The following SYCP2L variants were observed in gnomAD, a reference collection of about 807,000 sequenced individuals.
The protein encoded by SYCP2L is synaptonemal complex protein 2-like.
A neutral mutation model predicts 125.8 loss-of-function variants in SYCP2L; 98 were observed. That is an observed-to-expected ratio of 0.78 (90% confidence interval 0.66 to 0.92). SYCP2L has a LOEUF of 0.92. Ranked by LOEUF, SYCP2L falls within the 40% of genes least tolerant of loss-of-function variation. The pLI, the probability that SYCP2L is intolerant of heterozygous loss-of-function variation, is 0.00. For synonymous variants in SYCP2L, 317 were observed against 325.4 expected (o/e 0.97, Z 0.28); for missense variants, 842 against 936.4 (o/e 0.90, Z 1.32).
chr6:10,887,468 G>A (rs1435909188), intron 1 of SYCP2L, among the ~76,000 whole-genome samples: 1 of 152,198 alleles, frequency 6.6e-6, no homozygotes, highest in Admixed American at 6.5e-5. Context: ...CCACCTTGCT[G>A]CGTAGAAAGT....
At chr6:10,905,361 C>T (rs913119855) in intron 8 of SYCP2L, among the ~76,000 whole-genome samples, 4 of 151,520 alleles carry the variant, frequency 2.6e-5, no homozygotes, top group African/African-American at 7.3e-5. Context: ...GGCACGCTCT[C>T]GGCTCACTGC....
At chr6:10,889,682 G>C (rs1329353381) in intron 1 of SYCP2L, among the ~76,000 whole-genome samples, 1 of 139,616 alleles carries the variant, frequency 7.2e-6, no homozygotes, top group Non-Finnish European at 1.5e-5. Flanking sequence ...GTGCAATAGT[G>C]CAACCTTAGC....
intron 14 of SYCP2L, among the ~76,000 whole-genome samples, chr6:10,921,276 A>G (rs927880069): frequency 6.6e-6 from 1 of 152,132 alleles, no homozygotes; most frequent in Admixed American, 6.6e-5. Context: ...TATCCAGTCT[A>G]TCATTGATGG....
At chr6:10,891,654 T>TATATGA in intron 2 of SYCP2L, 73 bp downstream of exon 2, 8 of 871,256 alleles carry the variant, frequency 9.2e-6, no homozygotes, top group East Asian at 5.2e-5. Context: ...TGTGTGTGTG[T>TATATGA]GTGTGTGTGT....
chr6:10,946,395 T>G (rs534057087), intron 23 of SYCP2L, among the ~76,000 whole-genome samples: 25 of 151,978 alleles, frequency 1.6e-4, no homozygotes, highest in African/African-American at 6.0e-4. Context: ...TTTTACATAA[T>G]GTGTAAATTT....
chr6:10,908,984 C>T (rs1029771543), intron 10 of SYCP2L, among the ~76,000 whole-genome samples: 20 of 152,116 alleles, frequency 1.3e-4, no homozygotes, highest in South Asian at 4.1e-4. Flanking sequence ...CTGTTGTAGG[C>T]GCTCACGTGT....
At chr6:10,970,464 C>T (rs1781751881) in intron 29 of SYCP2L, among the ~76,000 whole-genome samples, 1 of 152,092 alleles carries the variant, frequency 6.6e-6, no homozygotes, top group South Asian at 2.1e-4. Flanking sequence ...GGACTATTTT[C>T]GAAGGCATGT....
In SYCP2L at chr6:10,912,662, A is replaced by T; in HGVS notation, c.919-11A>T. ...TATGTGTATAAGTCATGCTGAAATG[A>T]TCTCTTACAGATGAGAAAACCAGCG... is the stretch of plus-strand genomic sequence containing the variant. On this transcript the variant is annotated splice_polypyrimidine_tract_variant and intron_variant, in intron 12 of 29. Transcript: ENST00000283141. This position sits in a 1 kb window ranked among gnomAD's most constrained non-coding sequence, Gnocchi z 4.1. 1 of 1,600,194 alleles carries T rather than the reference A, an allele frequency of 6.2e-7. No homozygotes were observed. The highest frequency in any genetic ancestry group is 8.6e-7 in the Non-Finnish European group (1 of 1,169,282).
In SYCP2L at chr6:10,909,116, ATTTT is replaced by A. The variant is rs67767345; in HGVS notation, c.820-1010_820-1007del. On this transcript the variant is annotated intron_variant, in intron 10 of 29. Coordinates refer to ENST00000283141, the MANE Select transcript of SYCP2L (RefSeq NM_001040274.3). ...CCAGAGCTATCAACTTCTCAATTGAATTTTTTTTTTTTTTTTTTTTTTTTTGAGA... is the reference window on the plus strand; with the variant it reads ...CCAGAGCTATCAACTTCTCAATTGAATTTTTTTTTTTTTTTTTTTTTGAGA... 0.016 allele frequency among the ~76,000 whole-genome samples: 1,522 copies of A among 94,864 alleles called. 64 individuals carry two copies. The East Asian group carries it at 0.21, about 13-fold the overall frequency. The allele number at this position is 94,864 out of a possible 152,430, so 62.2% of individuals were successfully genotyped here.
chr6:10,906,889 A>T (rs139860566), intron 9 of SYCP2L, among the ~76,000 whole-genome samples: 1 of 151,232 alleles, frequency 6.6e-6, no homozygotes, highest in Non-Finnish European at 1.5e-5. Context: ...ATGAGCCACC[A>T]CGCCTGGCCA....
chr6:10,927,418 G>A, intron 17 of SYCP2L, 51 bp downstream of exon 17: 2 of 1,478,102 alleles, frequency 1.4e-6, no homozygotes. Context: ...AGAAATAAAG[G>A]GACGGACTAC....
At chr6:10,889,237 A>G (rs1433945049) in intron 1 of SYCP2L, among the ~76,000 whole-genome samples, 1 of 152,096 alleles carries the variant, frequency 6.6e-6, no homozygotes, top group Non-Finnish European at 1.5e-5. Context: ...CACTAACACA[A>G]TGGTTCTTTT....
chr6:10,953,764 T>A (rs1476683437), intron 23 of SYCP2L, among the ~76,000 whole-genome samples: 2 of 152,144 alleles, frequency 1.3e-5, no homozygotes, highest in East Asian at 3.8e-4. Context: ...GGGAGACAGA[T>A]GATGGACAAG....
chr6:10,934,443 C>T (rs1289996331), intron 20 of SYCP2L, among the ~76,000 whole-genome samples: 1 of 152,206 alleles, frequency 6.6e-6, no homozygotes, highest in East Asian at 1.9e-4. Context: ...CTTTGGGAGG[C>T]CAAGGCGGGC....
intron 29 of SYCP2L, among the ~76,000 whole-genome samples, chr6:10,971,497 T>C (rs1468176236): frequency 6.6e-6 from 1 of 151,220 alleles, no homozygotes; most frequent in Non-Finnish European, 1.5e-5. Flanking sequence ...AGATAGGAGT[T>C]ACTTTGTGAA....
chr6:10,887,580 T>TA (rs145580893), intron 1 of SYCP2L, among the ~76,000 whole-genome samples: 2,134 of 150,962 alleles, frequency 0.014, 35 homozygotes, highest in East Asian at 0.061. Context: ...CAATAAATAA[T>TA]AAAAAAAAAC....
intron 17 of SYCP2L, among the ~76,000 whole-genome samples, chr6:10,928,189 C>T (rs1780930973): frequency 2.0e-5 from 3 of 151,094 alleles, no homozygotes; most frequent in African/African-American, 7.3e-5. Flanking sequence ...TAAAGACAGG[C>T]ATAGGAAATC....
intron 8 of SYCP2L, among the ~76,000 whole-genome samples, chr6:10,903,846 C>T (rs1004159192): frequency 1.3e-5 from 2 of 151,582 alleles, no homozygotes; most frequent in Middle Eastern, 3.4e-3. Flanking sequence ...TTTGCTTCAA[C>T]GTTGTGAGGC....
chr6:10,941,061 C>T (rs556422227), intron 21 of SYCP2L, among the ~76,000 whole-genome samples: 1 of 152,090 alleles, frequency 6.6e-6, no homozygotes, highest in Admixed American at 6.5e-5. Flanking sequence ...AAAGGATTCC[C>T]TATTTAATAA....
Sources: gnomAD v4.1 joint callset for allele counts (sites outside exome capture counted in the v4.1 genomes callset) on GRCh38, gnomAD v4.1.1 for gene constraint, Gnocchi (gnomAD v3.1) non-coding constraint, MANE v1.5 for transcripts, NCBI Gene and HGNC (gene_info 2026-07-23, HGNC 2026-07-21) for gene names.